The following IGFL2 variants were observed in gnomAD, a reference collection of about 807,000 sequenced individuals.
IGFL2 encodes IGF like family member 2.
A neutral mutation model predicts 13.9 loss-of-function variants in IGFL2; 7 were observed. That is an observed-to-expected ratio of 0.51 (90% CI 0.29 to 0.95). The LOEUF (loss-of-function observed/expected upper bound fraction) is 0.95, where lower values mean the gene tolerates loss of function less well. Among genes scored for constraint, IGFL2 ranks in the 40% least tolerant of loss-of-function variants. The probability of loss-of-function intolerance (pLI) is 0.08; values close to 1 mark genes in which losing one functional copy is unlikely to be tolerated. For missense variants in IGFL2, 138 were observed against 147.8 expected (o/e 0.93, Z 0.34); for synonymous variants, 55 against 55.8 (o/e 0.99, Z 0.07).
chr19:46,151,915 A>G (rs1047717174), intron 1 of IGFL2, among the ~76,000 whole-genome samples: 2 of 152,194 alleles, frequency 1.3e-5, no homozygotes, highest in African/African-American at 4.8e-5. Context: ...TGATCTCACA[A>G]AAGTTCTTTG....
chr19:46,201,654 T>A, the IGFL2 span, among the ~76,000 whole-genome samples: 1 of 152,066 alleles, frequency 6.6e-6, no homozygotes, highest in Non-Finnish European at 1.5e-5. Flanking sequence ...TAAGGATGAT[T>A]AGGTTTTAAT....
chr19:46,110,971 A>G, the IGFL2 span: 7 of 152,120 alleles, frequency 4.6e-5, no homozygotes, highest in African/African-American at 1.7e-4. Flanking sequence ...ATATGGTGAC[A>G]TGTTTCTTTA....
chr19:46,158,122 A>G (rs561817276), intron 1 of IGFL2, among the ~76,000 whole-genome samples: 1 of 152,358 alleles, frequency 6.6e-6, no homozygotes, highest in African/African-American at 2.4e-5. Flanking sequence ...TGCTCCTGAA[A>G]GAAATAAATG....
At chr19:46,089,056 T>C in the IGFL2 span, among the ~76,000 whole-genome samples, 8 of 152,240 alleles carry the variant, frequency 5.3e-5, no homozygotes, top group African/African-American at 1.7e-4. Context: ...TTTGTTTCTT[T>C]CTTCCTGTCT....
chr19:46,169,803 A>C, the IGFL2 span, among the ~76,000 whole-genome samples: 1 of 148,894 alleles, frequency 6.7e-6, no homozygotes, highest in African/African-American at 2.5e-5. Flanking sequence ...AGCTGAGATC[A>C]TGCCATTGCA....
At chr19:46,124,395 A>T in the IGFL2 span, 2 of 1,474,144 alleles carry the variant, frequency 1.4e-6, no homozygotes, top group Non-Finnish European at 1.9e-6. Flanking sequence ...ACAAACAAAC[A>T]AACAGAGGTT....
rs147017067 is a variant in IGFL2 at position 46,154,799 on chromosome 19, G to C, written c.20-5616G>C. On this transcript the variant is annotated intron_variant, in intron 1 of 3. Transcript: ENST00000377693. The stretch of plus-strand genomic sequence containing the variant: ...GTCATGGAATTACCACCCTCTTCTT[G>C]GTTTTTTAGCACCAGAATTTCAGAT... Among the ~76,000 whole-genome samples, 488 of 152,106 alleles carry C rather than the reference G, an allele frequency of 3.2e-3. 1 individual carries two copies. Among genetic ancestry groups the C allele is most frequent in the African/African-American group, 0.011 (460 of 41,492 alleles).
chr19:46,181,194 C>G, the IGFL2 span: 1 of 112,112 alleles, frequency 8.9e-6, no homozygotes, highest in African/African-American at 2.7e-5. Flanking sequence ...TGTGTGTTTT[C>G]TGTTTTATTT....
the IGFL2 span, among the ~76,000 whole-genome samples, chr19:46,083,177 C>T: frequency 6.6e-6 from 1 of 152,206 alleles, no homozygotes; most frequent in Admixed American, 6.5e-5. Context: ...TTTAGAATTT[C>T]TACTTCCAGG....
chr19:46,114,129 C>T, the IGFL2 span, among the ~76,000 whole-genome samples: 1 of 152,170 alleles, frequency 6.6e-6, no homozygotes, highest in Non-Finnish European at 1.5e-5. Context: ...ACAGTCAGCT[C>T]CAAATGGCCA....
At chr19:46,098,710 C>G in the IGFL2 span, among the ~76,000 whole-genome samples, 1 of 152,070 alleles carries the variant, frequency 6.6e-6, no homozygotes, top group Admixed American at 6.5e-5. Context: ...AACTTCTGAC[C>G]TCAGGTGATC....
the IGFL2 span, among the ~76,000 whole-genome samples, chr19:46,099,233 TTCTC>T: frequency 6.6e-6 from 1 of 152,166 alleles, no homozygotes; most frequent in Non-Finnish European, 1.5e-5. Context: ...GACCTGGCCT[TTCTC>T]TCTGGCTGTT....
chr19:46,083,204 T>G, the IGFL2 span, among the ~76,000 whole-genome samples: 1 of 152,242 alleles, frequency 6.6e-6, no homozygotes, highest in Admixed American at 6.5e-5. Flanking sequence ...ACTGACTGGA[T>G]GCAGTGCACA....
At chr19:46,159,431 C>G (rs1974013875) in intron 1 of IGFL2, 1 of 152,226 alleles carries the variant, frequency 6.6e-6, no homozygotes, top group Non-Finnish European at 1.5e-5. Context: ...GCTGCATTCA[C>G]TCTCTGATAT....
At chr19:46,179,938 C>T in the IGFL2 span, among the ~76,000 whole-genome samples, 1 of 152,002 alleles carries the variant, frequency 6.6e-6, no homozygotes, top group Non-Finnish European at 1.5e-5. Context: ...AACAAAAAAA[C>T]ATTGCTATTG....
At chr19:46,080,833 T>G in the IGFL2 span, among the ~76,000 whole-genome samples, 1 of 152,262 alleles carries the variant, frequency 6.6e-6, no homozygotes, top group South Asian at 2.1e-4. Context: ...TGTCCAGGGC[T>G]GACTCTCCGG....
At chr19:46,214,083 C>T in the IGFL2 span, 1 of 152,604 alleles carries the variant, frequency 6.6e-6, no homozygotes, top group African/African-American at 2.4e-5. Context: ...CCCGCCCCAT[C>T]CTGGCCTCCT....
downstream of IGFL2, among the ~76,000 whole-genome samples, chr19:46,165,417 G>A (rs1974352528): frequency 6.6e-6 from 1 of 152,230 alleles, no homozygotes; most frequent in South Asian, 2.1e-4. Flanking sequence ...GCACCCCATA[G>A]CAGGTTGGCT....
chr19:46,101,914 C>T, the IGFL2 span, among the ~76,000 whole-genome samples: 4 of 152,120 alleles, frequency 2.6e-5, no homozygotes, highest in African/African-American at 9.7e-5. Flanking sequence ...AAAGAGAGAA[C>T]GTTAGAGAGA....
Sources: allele counts gnomAD v4.1 joint callset (sites outside exome capture counted in the v4.1 genomes callset), GRCh38; gene constraint gnomAD v4.1.1; transcripts MANE v1.5; gene names NCBI Gene and HGNC (gene_info 2026-07-23, HGNC 2026-07-21).